LYPLAL1: variants seen among roughly 807,000 people sequenced by gnomAD.
LYPLAL1 encodes the protein lysophospholipase like 1.
LYPLAL1 carries 23 observed loss-of-function variants against 19.7 expected under a neutral mutation model. The ratio of observed to expected loss-of-function variants is 1.17; its 90% confidence interval spans 0.84 to 1.65. LYPLAL1 has a LOEUF of 1.65. Ranked by LOEUF, LYPLAL1 falls within the 40% of genes most tolerant of loss-of-function variation. The pLI is 0.00. For missense variants in LYPLAL1, 355 were observed against 279.4 expected (o/e 1.27, Z -1.93); for synonymous variants, 119 against 96.3 (o/e 1.24, Z -1.38).
At chr1:219,394,924 C>T in the LYPLAL1 span, among the ~76,000 whole-genome samples, 1 of 152,182 alleles carries the variant, frequency 6.6e-6, no homozygotes, top group Non-Finnish European at 1.5e-5. Context: ...AGGATAATGG[C>T]CTCTAGCTCA....
chr1:219,327,318 C>T, the LYPLAL1 span, among the ~76,000 whole-genome samples: 1 of 152,244 alleles, frequency 6.6e-6, no homozygotes, highest in South Asian at 2.1e-4. Context: ...GCTTTAATTG[C>T]TCATGTATTC....
Position 219,212,696 on chromosome 1 carries a change from T to G in LYPLAL1, c.*968T>G, listed in dbSNP as rs1163748357. 1 of 152,076 alleles carries G rather than the reference T, an allele frequency of 6.6e-6. No individual in the cohort carries two copies. Among genetic ancestry groups the G allele is most frequent in the Non-Finnish European group, 1.5e-5 (1 of 67,946 alleles). 9.4% of individuals were successfully genotyped at this position (152,076 alleles called of 1,614,324 possible). A position where few individuals can be genotyped will look rare whatever the true frequency, so the allele number is the denominator to read the frequency against. ...TGCCTGCTTTCATTCAACAAAATTA[T>G]CATGAGATTTTTCCATGTTGTGTAC... On this transcript the variant is annotated 3_prime_UTR_variant, in exon 5 of 5. Transcript: ENST00000366928.
At chr1:219,279,291 C>A in the LYPLAL1 span, among the ~76,000 whole-genome samples, 1 of 152,102 alleles carries the variant, frequency 6.6e-6, no homozygotes, top group Non-Finnish European at 1.5e-5. Context: ...CTATATGACT[C>A]CATGCCAGTA....
At chr1:219,274,605 C>T in the LYPLAL1 span, among the ~76,000 whole-genome samples, 160 of 151,788 alleles carry the variant, frequency 1.1e-3, no homozygotes, top group African/African-American at 3.8e-3. Flanking sequence ...AACCTGGTCT[C>T]GAACTCCTGA....
the LYPLAL1 span, chr1:219,272,115 A>G: frequency 6.6e-6 from 1 of 152,308 alleles, no homozygotes; most frequent in Non-Finnish European, 1.5e-5. Flanking sequence ...CTTAATAAGC[A>G]TTGCATACAT....
chr1:219,421,921 T>G, the LYPLAL1 span, among the ~76,000 whole-genome samples: 4 of 152,220 alleles, frequency 2.6e-5, no homozygotes, highest in African/African-American at 9.6e-5. Flanking sequence ...AAGCAATCAT[T>G]CGCATTTTGT....
intron 2 of LYPLAL1, among the ~76,000 whole-genome samples, chr1:219,187,728 G>A (rs1656839540): frequency 6.6e-6 from 1 of 151,592 alleles, no homozygotes; most frequent in Non-Finnish European, 1.5e-5. Flanking sequence ...TTTTATTTAG[G>A]CATAGTAAAC....
chr1:219,348,211 C>T, the LYPLAL1 span, among the ~76,000 whole-genome samples: 2 of 152,226 alleles, frequency 1.3e-5, no homozygotes, highest in Non-Finnish European at 2.9e-5. Flanking sequence ...AGGCAAACCC[C>T]ACTTCCACAG....
At chr1:219,313,639 A>T in the LYPLAL1 span, among the ~76,000 whole-genome samples, 2 of 151,670 alleles carry the variant, frequency 1.3e-5, no homozygotes, top group African/African-American at 2.4e-5. Flanking sequence ...GGTTCATGTG[A>T]TTCTCCTGCC....
At chr1:219,366,334 A>G in the LYPLAL1 span, among the ~76,000 whole-genome samples, 4 of 152,236 alleles carry the variant, frequency 2.6e-5, no homozygotes, top group Non-Finnish European at 5.9e-5. Flanking sequence ...TTACAGAAAC[A>G]AGGATAATTA....
chr1:219,302,767 A>T, the LYPLAL1 span, among the ~76,000 whole-genome samples: 1 of 151,916 alleles, frequency 6.6e-6, no homozygotes, highest in African/African-American at 2.4e-5. Flanking sequence ...TTTGTCTGGG[A>T]TGCCCACTTT....
chr1:219,352,443 G>A, the LYPLAL1 span, among the ~76,000 whole-genome samples: 2 of 152,144 alleles, frequency 1.3e-5, no homozygotes, highest in African/African-American at 4.8e-5. Context: ...GCGTGAACCC[G>A]GGAGGTGGAG....
At chr1:219,216,764 A>G (rs1236734531), downstream of LYPLAL1, among the ~76,000 whole-genome samples, 1 of 152,114 alleles carries the variant, frequency 6.6e-6, no homozygotes, top group African/African-American at 2.4e-5. Flanking sequence ...GTGGACTCCC[A>G]GCTCAGTATC....
At chr1:219,329,327 T>C in the LYPLAL1 span, among the ~76,000 whole-genome samples, 1 of 152,240 alleles carries the variant, frequency 6.6e-6, no homozygotes, top group Non-Finnish European at 1.5e-5. Context: ...AATCATACTG[T>C]ATCCTTAATA....
the LYPLAL1 span, among the ~76,000 whole-genome samples, chr1:219,245,244 C>G: frequency 7.1e-6 from 1 of 141,430 alleles, no homozygotes; most frequent in Non-Finnish European, 1.5e-5. Flanking sequence ...TTCTACAGTT[C>G]AGATCCTTAG....
At chr1:219,182,468 A>G (rs920624743) in intron 2 of LYPLAL1, among the ~76,000 whole-genome samples, 4 of 152,114 alleles carry the variant, frequency 2.6e-5, no homozygotes, top group Non-Finnish European at 5.9e-5. Context: ...GCTGCTAATA[A>G]GAGAGATTCT....
At chr1:219,175,077 C>T in intron 1 of LYPLAL1, 1 of 985,350 alleles carries the variant, frequency 1.0e-6, no homozygotes, top group African/African-American at 1.7e-5. Flanking sequence ...GGGCAGAGAC[C>T]TGGAAAAGGG....
chr1:219,319,013 C>T, the LYPLAL1 span, among the ~76,000 whole-genome samples: 5 of 152,160 alleles, frequency 3.3e-5, no homozygotes, highest in Non-Finnish European at 7.4e-5. Context: ...AAGGCTTTAT[C>T]GCAGTTATCT....
chr1:219,415,158 A>G, the LYPLAL1 span, among the ~76,000 whole-genome samples: 1 of 152,194 alleles, frequency 6.6e-6, no homozygotes, highest in African/African-American at 2.4e-5. Flanking sequence ...TTTATCTGTC[A>G]CCACTCTTGG....
Sources: gnomAD v4.1 joint callset for allele counts (sites outside exome capture counted in the v4.1 genomes callset) on GRCh38, gnomAD v4.1.1 for gene constraint, MANE v1.5 for transcripts, NCBI Gene and HGNC (gene_info 2026-07-23, HGNC 2026-07-21) for gene names.